Variants in SCO1 observed in about 807,000 individuals in gnomAD.
SCO1 encodes synthesis of cytochrome C oxidase 1, also known as cytochrome c oxidase assembly factor SCO1.
Under a neutral mutation model 34.0 loss-of-function variants are expected in SCO1, and 23 were observed. That is an observed-to-expected ratio of 0.68 (90% confidence interval 0.49 to 0.96). SCO1 has a LOEUF of 0.96. Among genes scored for constraint, SCO1 ranks in the 40% least tolerant of loss-of-function variants. SCO1 has a pLI of 0.00. For synonymous variants in SCO1, 161 were observed against 145.5 expected (o/e 1.11, Z -0.77); for missense variants, 404 against 381.6 (o/e 1.06, Z -0.49).
At position 10,679,389 on chromosome 17, in the gene SCO1, AT is replaced by A. The variant is rs1449165216; in HGVS notation, c.*1729del. 2 of 152,186 alleles carry A rather than the reference AT, an allele frequency of 1.3e-5. No homozygotes were observed. The highest frequency in any genetic ancestry group is 4.8e-5 in the African/African-American group (2 of 41,440). 9.4% of individuals were successfully genotyped at this position (152,186 alleles called of 1,614,324 possible). ...CTGAGATTAGGGCTTCAATGTATAA[AT>A]TTTGGGGGACATTATTCAACCTATA... On this transcript the variant is annotated 3_prime_UTR_variant, in exon 6 of 6. Coordinates refer to ENST00000255390, the MANE Select transcript of SCO1 (RefSeq NM_004589.4).
At chr17:10,685,990 G>A (rs1210722043) in intron 5 of SCO1, among the ~76,000 whole-genome samples, 10 of 152,216 alleles carry the variant, frequency 6.6e-5, no homozygotes, top group Admixed American at 5.9e-4. Context: ...CACTTTGGGA[G>A]GCTGAGGTGG....
Position 10,692,812 on chromosome 17 carries a change from C to T in SCO1, c.514G>A (p.Val172Ile). The T allele has an allele frequency of 1.9e-6, 3 of 1,614,172 alleles. No homozygotes were observed. The highest frequency in any genetic ancestry group is 2.5e-6 in the Non-Finnish European group (3 of 1,180,024). Residue 172 changes from valine to isoleucine, a missense_variant, in exon 3 of 6, where the codon GTC becomes ATC. Val to Ile is a conservative substitution (Grantham distance 29). Coordinates refer to ENST00000255390, the MANE Select transcript of SCO1 (RefSeq NM_004589.4). Reference protein sequence around the residue: ...IYFGFTHCPDVCPEELEKMIQ... With the variant: ...IYFGFTHCPDICPEELEKMIQ... Reference sequence around the variant, plus strand: ...ATCTTTTCTAGTTCTTCTGGACAGACATCAGGGCAATGAGTGAAGCCAAAA... The same window carrying T: ...ATCTTTTCTAGTTCTTCTGGACAGATATCAGGGCAATGAGTGAAGCCAAAA...
chr17:10,674,575 C>G lies in SCO1; in HGVS notation c.*6544G>C, dbSNP rs1462329049. 1 of 161,060 alleles carries G rather than the reference C, an allele frequency of 6.2e-6. No individual in the cohort carries two copies. The highest frequency in any genetic ancestry group is 6.4e-5 in the Admixed American group (1 of 15,686). The allele number at this position is 161,060 out of a possible 1,614,324, so 10.0% of individuals were successfully genotyped here. The stretch of plus-strand genomic sequence containing the variant: ...TGAGTAGCAAGGCTGTAGAGGGAGT[C>G]TGAGTATTAGCTTTGCTACAAACTT... On this transcript the variant is annotated 3_prime_UTR_variant, in exon 6 of 6. Transcript: ENST00000255390.
chr17:10,688,839 G>C (rs955075118), intron 4 of SCO1, among the ~76,000 whole-genome samples: 3 of 151,100 alleles, frequency 2.0e-5, no homozygotes, highest in African/African-American at 7.4e-5. Context: ...TCTGCAGGCC[G>C]GGCGCGGTGG....
rs139372838 is a variant in SCO1 at position 10,685,939 on chromosome 17, T to C, written c.771+788A>G. Among the ~76,000 whole-genome samples, 136 of 152,316 alleles carry C rather than the reference T, an allele frequency of 8.9e-4. 1 individual carries two copies. Among genetic ancestry groups the C allele is most frequent in the African/African-American group, 2.7e-3 (114 of 41,580 alleles). ...ATCAAACAATCATCTTTTAAAAAAC[T>C]GCTTCTGGCTGGGCGCAGTGGCTCA... On this transcript the variant is annotated intron_variant, in intron 5 of 5. Transcript: ENST00000255390.
chr17:10,685,559 A>G (rs768719223), intron 5 of SCO1, among the ~76,000 whole-genome samples: 1 of 152,208 alleles, frequency 6.6e-6, no homozygotes, highest in African/African-American at 2.4e-5. Context: ...CACAAGTACA[A>G]CAGAATTTCT....
intron 1 of SCO1, 62 bp downstream of exon 1, chr17:10,697,173 G>A: frequency 1.4e-6 from 2 of 1,435,758 alleles, no homozygotes; most frequent in Non-Finnish European, 1.8e-6. Context: ...CAAGTGGGAT[G>A]TGGCCGCTGG....
At chr17:10,692,114 C>A (rs370650959) in intron 3 of SCO1, 150 bp from the exon 4 acceptor site, 1 of 689,216 alleles carries the variant, frequency 1.5e-6, no homozygotes, top group Middle Eastern at 2.4e-4. Flanking sequence ...AGGAAGAGGA[C>A]GGGGAAGGGG....
At chr17:10,695,689 C>T in intron 2 of SCO1, 52 bp downstream of exon 2, 1 of 1,303,262 alleles carries the variant, frequency 7.7e-7, no homozygotes, top group Admixed American at 1.7e-5. Flanking sequence ...AGGTGCTAGT[C>T]CATAGCCAGG....
At position 10,680,569 on chromosome 17, in the gene SCO1, T is replaced by C. The variant is rs1042248343; in HGVS notation, c.*550A>G. ...CCTCTTCATTAGTCAAATCTGATAGTGATATTCATTAATAAGGAAAACTAA... is the reference window on the plus strand; with the variant it reads ...CCTCTTCATTAGTCAAATCTGATAGCGATATTCATTAATAAGGAAAACTAA... On this transcript the variant is annotated 3_prime_UTR_variant, in exon 6 of 6. Coordinates refer to ENST00000255390, the MANE Select transcript of SCO1 (RefSeq NM_004589.4). 8 of 157,754 alleles carry C rather than the reference T, an allele frequency of 5.1e-5. No individual in the cohort carries two copies. Among genetic ancestry groups the C allele is most frequent in the East Asian group, 1.8e-4 (1 of 5,502 alleles). 9.8% of individuals were successfully genotyped at this position (157,754 alleles called of 1,614,324 possible).
At position 10,697,404 on chromosome 17, in the gene SCO1, C is replaced by T. The variant is rs863224197; in HGVS notation, c.104G>A (p.Gly35Glu). 2 of 1,607,712 alleles carry T rather than the reference C, an allele frequency of 1.2e-6. No homozygotes were observed. Among genetic ancestry groups the T allele is most frequent in the Non-Finnish European group, 8.5e-7 (1 of 1,177,258 alleles). ...CTGCCTCAGCAAGACTCTCGCAGTC[C>T]CCTCGGCTGGGCCCCAAAACTCGAG... ...RGLEFWGPAE[G>E]TARVLLRQFC... The change falls in exon 1 of 6, where the codon GGG becomes GAG. Residue 35 changes from glycine to glutamate, a missense_variant. Gly to Glu is a moderately conservative substitution (Grantham distance 98, BLOSUM62 -2). Coordinates refer to ENST00000255390, the MANE Select transcript of SCO1 (RefSeq NM_004589.4).
chr17:10,696,807 C>G (rs1253607614), intron 1 of SCO1, among the ~76,000 whole-genome samples: 1 of 152,172 alleles, frequency 6.6e-6, no homozygotes, highest in Non-Finnish European at 1.5e-5. Context: ...GGCAGATCCA[C>G]ACATAACTAA....
Position 10,681,259 on chromosome 17 carries a change from G to C in SCO1, c.772-6C>G. 6.2e-7 allele frequency: 1 copy of C among 1,613,924 alleles called. No homozygotes were observed. The highest frequency in any genetic ancestry group is 8.5e-7 in the Non-Finnish European group (1 of 1,179,924). On this transcript the variant is annotated splice_region_variant and splice_polypyrimidine_tract_variant and intron_variant, in intron 5 of 5. Coordinates refer to ENST00000255390, the MANE Select transcript of SCO1 (RefSeq NM_004589.4). ...ATTATTATTGTGTGATCCACCTGCA[G>C]AGAAAAGGGGGGAGAGTGTGACAAA...
chr17:10,684,938 C>T (rs978622531), intron 5 of SCO1, among the ~76,000 whole-genome samples: 2 of 152,218 alleles, frequency 1.3e-5, no homozygotes, highest in Non-Finnish European at 2.9e-5. Context: ...AAGAAAAGTG[C>T]TCATTTTTCT....
rs1460251635 is a variant in SCO1, at chr17:10,696,909, C to G, written c.273+326G>C. Among the ~76,000 whole-genome samples, 3 of 151,724 alleles carry G rather than the reference C, an allele frequency of 2.0e-5. No individual in the cohort carries two copies. The East Asian group carries it at 5.8e-4, about 29-fold the overall frequency. On this transcript the variant is annotated intron_variant, in intron 1 of 5. Transcript: ENST00000255390. ...TAAAAGTCCTCTGACTTCTCAATCACGGTAAACTTTAGGTTCATACCCTTA... is the reference window on the plus strand; with the variant it reads ...TAAAAGTCCTCTGACTTCTCAATCAGGGTAAACTTTAGGTTCATACCCTTA...
Position 10,681,227 on chromosome 17 carries a change from C to T in SCO1, c.798G>A (p.Leu266=), listed in dbSNP as rs1397651609. Residue 266 remains leucine, a synonymous_variant, in exon 6 of 6, where the codon TTG becomes TTA. Transcript: ENST00000255390. Reference sequence around the variant, plus strand: ...CTAGAAACTCACCATCTGGTCCAATCAAGTACATTATTATTGTGTGATCCA... The same window carrying T: ...CTAGAAACTCACCATCTGGTCCAATTAAGTACATTATTATTGTGTGATCCA... ...YIVDHTIIMY[L]IGPDGEFLDY... 1 of 1,614,006 alleles carries T rather than the reference C, an allele frequency of 6.2e-7. No individual in the cohort carries two copies. The highest frequency in any genetic ancestry group is 2.2e-5 in the East Asian group (1 of 44,882).
At chr17:10,694,311 T>A (rs2074709050) in intron 2 of SCO1, among the ~76,000 whole-genome samples, 1 of 152,124 alleles carries the variant, frequency 6.6e-6, no homozygotes, top group African/African-American at 2.4e-5. Flanking sequence ...GAGGCTAAGG[T>A]AAACAACTAG....
At chr17:10,692,228 C>T (rs1333088867) in intron 3 of SCO1, among the ~76,000 whole-genome samples, 2 of 152,310 alleles carry the variant, frequency 1.3e-5, no homozygotes, top group African/African-American at 2.4e-5. Flanking sequence ...TGCACCAGCA[C>T]ATAAATGTTC....
intron 4 of SCO1, among the ~76,000 whole-genome samples, chr17:10,687,355 C>T (rs2074663042): frequency 6.6e-6 from 1 of 152,114 alleles, no homozygotes; most frequent in Admixed American, 6.5e-5. Context: ...ACTAGTCATC[C>T]CCAAAACGCA....
Sources: allele counts gnomAD v4.1 joint callset (sites outside exome capture counted in the v4.1 genomes callset), GRCh38; gene constraint gnomAD v4.1.1; transcripts MANE v1.5; gene names NCBI Gene and HGNC (gene_info 2026-07-23, HGNC 2026-07-21).